The following RAB38 variants were observed in gnomAD, a reference collection of about 807,000 sequenced individuals.
The protein encoded by RAB38 is RAB38, member RAS oncogene family, also known as ras-related protein Rab-38.
RAB38 carries 15 observed loss-of-function variants against 18.4 expected under a neutral mutation model. That is an observed-to-expected ratio of 0.82 (90% CI 0.55 to 1.26). RAB38 has a LOEUF of 1.26. Among genes scored for constraint, RAB38 ranks in the 50% most tolerant of loss-of-function variants. RAB38 has a pLI of 0.00. For synonymous variants in RAB38, 101 were observed against 104.4 expected, an observed-to-expected ratio of 0.97 and a Z score of 0.20; for missense variants, 294 against 267.4, an observed-to-expected ratio of 1.10 and a Z score of -0.69.
chr11:88,026,768 C>G, the RAB38 span, among the ~76,000 whole-genome samples: 1,863 of 151,966 alleles, frequency 0.012, 20 homozygotes, highest in Non-Finnish European at 0.018. Context: ...ATTTTACAAC[C>G]ACCACAGTAA....
At chr11:88,029,378 A>T in the RAB38 span, among the ~76,000 whole-genome samples, 1 of 151,732 alleles carries the variant, frequency 6.6e-6, no homozygotes, top group East Asian at 1.9e-4. Flanking sequence ...CACACATAAC[A>T]ATATTAACTT....
At chr11:88,038,443 T>C in the RAB38 span, among the ~76,000 whole-genome samples, 4 of 152,282 alleles carry the variant, frequency 2.6e-5, no homozygotes, top group African/African-American at 9.6e-5. Context: ...ATCAATTCGA[T>C]ATTTTTTCTA....
the RAB38 span, among the ~76,000 whole-genome samples, chr11:88,073,272 A>G: frequency 6.6e-6 from 1 of 152,188 alleles, no homozygotes. Context: ...CAAAGGAGAC[A>G]TCGAAGTGGA....
At chr11:87,893,916 T>A in the RAB38 span, among the ~76,000 whole-genome samples, 4 of 151,724 alleles carry the variant, frequency 2.6e-5, no homozygotes, top group Non-Finnish European at 5.9e-5. Context: ...AGATTCCATA[T>A]GAATCTTAGG....
chr11:88,021,929 A>G, the RAB38 span, among the ~76,000 whole-genome samples: 1 of 151,552 alleles, frequency 6.6e-6, no homozygotes, highest in African/African-American at 2.4e-5. Context: ...TTGGGCTCCC[A>G]AAGTACTGGG....
chr11:87,935,473 C>A, the RAB38 span, among the ~76,000 whole-genome samples: 1 of 152,078 alleles, frequency 6.6e-6, no homozygotes, highest in Non-Finnish European at 1.5e-5. Context: ...GTTTGTTATT[C>A]TGTCCTGAGA....
the RAB38 span, among the ~76,000 whole-genome samples, chr11:87,932,642 T>C: frequency 7.2e-5 from 11 of 152,068 alleles, no homozygotes; most frequent in Non-Finnish European, 8.8e-5. Context: ...ACAAAACAAT[T>C]TCTCAAAGCT....
chr11:88,129,466 C>A (rs183896042), intron 2 of RAB38, among the ~76,000 whole-genome samples: 1 of 152,040 alleles, frequency 6.6e-6, no homozygotes, highest in Non-Finnish European at 1.5e-5. Context: ...CATGGTGAAA[C>A]CCTGTCTCTA....
chr11:87,972,367 TTCAG>T, the RAB38 span, among the ~76,000 whole-genome samples: 4 of 152,044 alleles, frequency 2.6e-5, no homozygotes, highest in African/African-American at 9.7e-5. Flanking sequence ...AGTGAAATCT[TTCAG>T]TCAAACAGTG....
chr11:88,112,330 G>A (rs891488139), downstream of RAB38, among the ~76,000 whole-genome samples: 1 of 152,158 alleles, frequency 6.6e-6, no homozygotes, highest in African/African-American at 2.4e-5. Context: ...AACTTGATAT[G>A]GGCAAGCCTC....
At chr11:87,937,131 C>G in the RAB38 span, among the ~76,000 whole-genome samples, 1 of 151,366 alleles carries the variant, frequency 6.6e-6, no homozygotes. Flanking sequence ...TCTTTCTTAA[C>G]CAACTACTTT....
the RAB38 span, among the ~76,000 whole-genome samples, chr11:88,010,804 C>T: frequency 6.6e-6 from 1 of 152,232 alleles, no homozygotes. Context: ...GATTTAAGGC[C>T]AGGTATTCAT....
chr11:88,104,514 T>C, the RAB38 span, among the ~76,000 whole-genome samples: 1 of 152,150 alleles, frequency 6.6e-6, no homozygotes, highest in Non-Finnish European at 1.5e-5. Flanking sequence ...AGTCACTTTC[T>C]AGCTATGTGA....
chr11:88,084,988 G>C, the RAB38 span, among the ~76,000 whole-genome samples: 1 of 151,914 alleles, frequency 6.6e-6, no homozygotes, highest in Non-Finnish European at 1.5e-5. Context: ...GATAGAAATA[G>C]ATGATGCCCA....
At chr11:87,860,404 T>C in the RAB38 span, among the ~76,000 whole-genome samples, 2 of 152,016 alleles carry the variant, frequency 1.3e-5, no homozygotes, top group South Asian at 4.1e-4. Context: ...TAAAGTTACA[T>C]TTATATGCAA....
At chr11:87,827,080 C>A in the RAB38 span, among the ~76,000 whole-genome samples, 161 of 152,218 alleles carry the variant, frequency 1.1e-3, 1 homozygote, top group Middle Eastern at 0.01. Context: ...ACATGGACTT[C>A]TATCAACAAG....
At chr11:88,162,066 T>C (rs755529762) in intron 1 of RAB38, among the ~76,000 whole-genome samples, 20 of 152,116 alleles carry the variant, frequency 1.3e-4, no homozygotes, top group African/African-American at 3.9e-4. Context: ...ACTGACATCA[T>C]AATGGCTTGT....
rs35721635 is a variant in RAB38 at position 88,149,255 on chromosome 11, C to A, written c.483+420G>T. On this transcript the variant is annotated intron_variant, in intron 2 of 2. Transcript: ENST00000243662. Reference sequence around the variant, plus strand: ...TTCTTTCCTAGGAGGAAGCACAATTCCTGATGTACAGGTGAACATATTAAA... The same window carrying A: ...TTCTTTCCTAGGAGGAAGCACAATTACTGATGTACAGGTGAACATATTAAA... Among the ~76,000 whole-genome samples the A allele has an allele frequency of 2.9e-3, 440 of 152,278 alleles. 2 individuals are homozygous for A. The highest frequency in any genetic ancestry group is 9.6e-3 in the African/African-American group (398 of 41,548).
the RAB38 span, among the ~76,000 whole-genome samples, chr11:87,956,697 C>T: frequency 2.6e-5 from 4 of 152,060 alleles, no homozygotes; most frequent in African/African-American, 4.8e-5. Flanking sequence ...ACTCTGACCA[C>T]CCCCACTTTT....
Sources: allele counts gnomAD v4.1 joint callset (sites outside exome capture counted in the v4.1 genomes callset), GRCh38; gene constraint gnomAD v4.1.1; transcripts MANE v1.5; gene names NCBI Gene and HGNC (gene_info 2026-07-23, HGNC 2026-07-21).